The following ROBO1 variants were observed in gnomAD, a reference collection of about 807,000 sequenced individuals.
The protein encoded by ROBO1 is roundabout guidance receptor 1.
Under a neutral mutation model 195.9 loss-of-function variants are expected in ROBO1, and 149 were observed. The ratio of observed to expected loss-of-function variants is 0.76; its 90% CI spans 0.67 to 0.87. The LOEUF is 0.87. Among genes scored for constraint, ROBO1 ranks in the 40% least tolerant of loss-of-function variants. The pLI is 0.00. For missense variants in ROBO1, 1,933 were observed against 2,068.3 expected, an observed-to-expected ratio of 0.93 and a Z score of 1.27; for synonymous variants, 816 against 733.2, an observed-to-expected ratio of 1.11 and a Z score of -1.82.
intron 2 of ROBO1, among the ~76,000 whole-genome samples, chr3:79,491,101 T>TA (rs980704478): frequency 6.6e-6 from 1 of 152,124 alleles, no homozygotes; most frequent in Non-Finnish European, 1.5e-5. Flanking sequence ...AGCCTTTTGT[T>TA]AAAGGGCTTC....
intron 1 of ROBO1, among the ~76,000 whole-genome samples, chr3:79,613,932 T>C (rs1371599136): frequency 6.6e-6 from 1 of 151,914 alleles, no homozygotes; most frequent in African/African-American, 2.4e-5. Flanking sequence ...TAACAACAAA[T>C]GTAAAAGCAA....
chr3:79,242,207 G>C (rs1471847391), intron 2 of ROBO1, among the ~76,000 whole-genome samples: 1 of 151,730 alleles, frequency 6.6e-6, no homozygotes, highest in African/African-American at 2.4e-5. Flanking sequence ...GATAAAAGGA[G>C]CCTGTGTCTC....
At chr3:78,773,963 T>C (rs745806210) in intron 4 of ROBO1, among the ~76,000 whole-genome samples, 81 of 152,242 alleles carry the variant, frequency 5.3e-4, no homozygotes, top group Admixed American at 1.8e-3. Context: ...AGTAAGGAGC[T>C]TAATAGATAC....
chr3:78,923,765 T>C lies in ROBO1; in HGVS notation c.499+14836A>G, dbSNP rs1489215094. ...CCAGGAGCTTCAGTGGAGCAACAGC[T>C]CTGATTACTTGAGTTCCTCTAAGAA... On this transcript the variant is annotated intron_variant, in intron 4 of 30. Transcript: ENST00000464233. Among the ~76,000 whole-genome samples the C allele has an allele frequency of 1.1e-4, 17 of 152,042 alleles. 1 individual carries two copies. Among genetic ancestry groups the C allele is most frequent in the Admixed American group, 1.1e-3 (17 of 15,274 alleles).
chr3:79,060,263 T>C (rs2078891672), intron 3 of ROBO1, among the ~76,000 whole-genome samples: 1 of 151,978 alleles, frequency 6.6e-6, no homozygotes. Context: ...CAGCAGGACA[T>C]GGACCTTCAT....
In ROBO1 at chr3:78,938,879, G is replaced by T; in HGVS notation, c.221C>A (p.Pro74His). ...TCCTTTTGAGACAATCAGGTCTGAA[G>T]GGTGTTCAACAATGCGAGGTGGAAA... ...EDFPPRIVEH[P>H]SDLIVSKGEP... Residue 74 changes from proline to histidine, a missense_variant, in exon 4 of 31, where the codon CCT (proline) becomes CAT (histidine). Physicochemically the swap from Pro to His is moderately conservative, Grantham distance 77 (BLOSUM62 -2). This residue lies in a region of ROBO1 where 185 missense variants were observed against 159.5 expected (regional missense o/e 1.16). Transcript: ENST00000464233. The T allele has an allele frequency of 6.2e-7, 1 of 1,613,938 alleles. No homozygotes were observed. Among genetic ancestry groups the T allele is most frequent in the Non-Finnish European group, 8.5e-7 (1 of 1,179,872 alleles).
intron 2 of ROBO1, among the ~76,000 whole-genome samples, chr3:79,182,126 A>G (rs144060611): frequency 8.3e-4 from 126 of 152,270 alleles, no homozygotes; most frequent in South Asian, 6.6e-3. Context: ...ACTTAAAATT[A>G]TTAAGTCGCA....
chr3:79,354,364 C>G (rs542012940), intron 2 of ROBO1, among the ~76,000 whole-genome samples: 6 of 152,296 alleles, frequency 3.9e-5, no homozygotes, highest in African/African-American at 9.6e-5. Context: ...ATCATCTTAT[C>G]TCAATCAACT....
At chr3:79,542,593 T>C (rs1049220251) in intron 2 of ROBO1, among the ~76,000 whole-genome samples, 3 of 152,094 alleles carry the variant, frequency 2.0e-5, no homozygotes, top group African/African-American at 7.2e-5. Flanking sequence ...GTAATAGAAA[T>C]GCATGATTTT....
chr3:78,974,441 C>T (rs1053429878), intron 3 of ROBO1, among the ~76,000 whole-genome samples: 1 of 151,964 alleles, frequency 6.6e-6, no homozygotes, highest in Non-Finnish European at 1.5e-5. Flanking sequence ...CAGATGGTGT[C>T]AACAGACCAG....
intron 2 of ROBO1, among the ~76,000 whole-genome samples, chr3:79,585,083 G>A (rs1943787389): frequency 6.6e-6 from 1 of 151,550 alleles, no homozygotes; most frequent in Admixed American, 6.6e-5. Flanking sequence ...CATCACATTT[G>A]GGCATAAGTC....
At chr3:79,761,164 T>C (rs1177666009) in intron 1 of ROBO1, among the ~76,000 whole-genome samples, 2 of 148,284 alleles carry the variant, frequency 1.3e-5, no homozygotes, top group African/African-American at 2.4e-5. Flanking sequence ...AAAAATATAA[T>C]ATATGTATAT....
At chr3:79,001,167 T>C (rs1269386140) in intron 3 of ROBO1, among the ~76,000 whole-genome samples, 1 of 152,070 alleles carries the variant, frequency 6.6e-6, no homozygotes, top group Non-Finnish European at 1.5e-5. Flanking sequence ...AAATACCTAA[T>C]GCATGCAGGG....
At chr3:79,561,934 T>A (rs768351938) in intron 2 of ROBO1, among the ~76,000 whole-genome samples, 1 of 152,128 alleles carries the variant, frequency 6.6e-6, no homozygotes, top group Non-Finnish European at 1.5e-5. Context: ...TTCTATCACC[T>A]TATAGTTATT....
intron 2 of ROBO1, among the ~76,000 whole-genome samples, chr3:79,376,161 G>A (rs2036375383): frequency 6.6e-6 from 1 of 152,040 alleles, no homozygotes; most frequent in Non-Finnish European, 1.5e-5. Context: ...TCATTTTTGA[G>A]CCATTCAACC....
At chr3:79,473,819 A>G (rs994672606) in intron 2 of ROBO1, among the ~76,000 whole-genome samples, 11 of 152,080 alleles carry the variant, frequency 7.2e-5, no homozygotes, top group Non-Finnish European at 1.6e-4. Context: ...AGATAGTTGA[A>G]TAAGAATACC....
intron 2 of ROBO1, among the ~76,000 whole-genome samples, chr3:79,582,394 CTAT>C: frequency 6.6e-6 from 1 of 151,568 alleles, no homozygotes; most frequent in Middle Eastern, 3.4e-3. Flanking sequence ...TTTCTATATT[CTAT>C]TATAATAATA....
At chr3:79,410,882 C>T (rs1422199714) in intron 2 of ROBO1, among the ~76,000 whole-genome samples, 1 of 152,058 alleles carries the variant, frequency 6.6e-6, no homozygotes, top group African/African-American at 2.4e-5. Context: ...TAAAGCAGAA[C>T]AGTAAATAGG....
intron 2 of ROBO1, among the ~76,000 whole-genome samples, chr3:79,502,541 G>A (rs1442201797): frequency 6.6e-6 from 1 of 151,966 alleles, no homozygotes; most frequent in South Asian, 2.1e-4. Context: ...GAGCCTCCCA[G>A]ACGAGCGCCA....
Sources: gnomAD v4.1 joint callset for allele counts (sites outside exome capture counted in the v4.1 genomes callset) on GRCh38, gnomAD v4.1.1 for gene constraint, gnomAD v4.1.1 regional missense constraint, MANE v1.5 for transcripts, NCBI Gene and HGNC (gene_info 2026-07-23, HGNC 2026-07-21) for gene names.